Variants in LRRC7 observed in about 807,000 individuals in gnomAD.
LRRC7 encodes the protein leucine-rich repeat-containing protein 7.
A neutral mutation model predicts 175.7 loss-of-function variants in LRRC7; 23 were observed. The observed-to-expected ratio is 0.13, with a 90% CI of 0.09 to 0.19. The LOEUF is 0.19. Ranked by LOEUF, LRRC7 falls within the 10% of genes least tolerant of loss-of-function variation. The pLI is 1.00. For synonymous variants in LRRC7, 685 were observed against 680.9 expected (o/e 1.01, Z -0.09); for missense variants, 1,354 against 1,904.7 (o/e 0.71, Z 5.38).
At chr1:69,837,182 T>G (rs138891043) in intron 6 of LRRC7, among the ~76,000 whole-genome samples, 2 of 152,072 alleles carry the variant, frequency 1.3e-5, no homozygotes, top group Non-Finnish European at 2.9e-5. Flanking sequence ...TCTTTTCACA[T>G]GATTTCCCCA....
intron 22 of LRRC7, among the ~76,000 whole-genome samples, chr1:70,046,894 G>A (rs1660374367): frequency 6.6e-6 from 1 of 151,898 alleles, no homozygotes; most frequent in African/African-American, 2.4e-5. Flanking sequence ...ATTCCTCCTG[G>A]GCGCCACTGA....
intron 4 of LRRC7, among the ~76,000 whole-genome samples, chr1:69,807,482 G>C (rs1677266485): frequency 6.6e-6 from 1 of 152,044 alleles, no homozygotes; most frequent in African/African-American, 2.4e-5. Context: ...GCTCTTGTAA[G>C]GCAGGCCTGG....
At chr1:69,846,432 G>A (rs1261479431) in intron 7 of LRRC7, among the ~76,000 whole-genome samples, 1 of 151,892 alleles carries the variant, frequency 6.6e-6, no homozygotes, top group Non-Finnish European at 1.5e-5. Flanking sequence ...GATCCCTGAT[G>A]ATTAGTTTAC....
intron 2 of LRRC7, among the ~76,000 whole-genome samples, chr1:69,740,527 G>A (rs546208692): frequency 6.6e-6 from 1 of 152,108 alleles, no homozygotes; most frequent in East Asian, 1.9e-4. Flanking sequence ...AGATTCAGGG[G>A]GACTCCAGTA....
intron 2 of LRRC7, among the ~76,000 whole-genome samples, chr1:69,724,677 G>A (rs1448948580): frequency 1.3e-5 from 2 of 152,144 alleles, no homozygotes; most frequent in African/African-American, 4.8e-5. Context: ...GTTACCTGCT[G>A]AGTACTATTC....
In LRRC7 at chr1:70,134,197, G is replaced by A. The variant is rs1228711294; in HGVS notation, c.*12310G>A. ...TGTATTTCAAAATGTCTCTCACAAAGTGATCATTGGATTCCCAAGGTAGTT... is the reference window on the plus strand; with the variant it reads ...TGTATTTCAAAATGTCTCTCACAAAATGATCATTGGATTCCCAAGGTAGTT... On this transcript the variant is annotated 3_prime_UTR_variant, in exon 27 of 27. Transcript: ENST00000651989. Among the ~76,000 whole-genome samples, 1 of 152,176 alleles carries A rather than the reference G, an allele frequency of 6.6e-6. No homozygotes were observed. Among genetic ancestry groups the A allele is most frequent in the Non-Finnish European group, 1.5e-5 (1 of 68,026 alleles).
chr1:70,086,231 C>T (rs1214567729), intron 24 of LRRC7, among the ~76,000 whole-genome samples: 1 of 152,052 alleles, frequency 6.6e-6, no homozygotes, highest in Non-Finnish European at 1.5e-5. Context: ...TCAAGTGATC[C>T]TCCTGCCTCA....
At chr1:69,657,948 A>G (rs1293168719) in intron 1 of LRRC7, among the ~76,000 whole-genome samples, 2 of 152,020 alleles carry the variant, frequency 1.3e-5, no homozygotes, top group African/African-American at 2.4e-5. Context: ...TAAAATCCAT[A>G]TACTATTTTA....
chr1:69,832,357 T>C (rs1266856573), intron 5 of LRRC7, among the ~76,000 whole-genome samples: 1 of 152,104 alleles, frequency 6.6e-6, no homozygotes, highest in Admixed American at 6.6e-5. Context: ...CTTTAGCAGC[T>C]GAAGAAAACC....
rs193229455 is a variant in LRRC7, at chr1:70,078,342, T to C, written c.4452+2044T>C. Among the ~76,000 whole-genome samples the C allele has an allele frequency of 1.6e-3, 241 of 152,312 alleles. 2 individuals are homozygous for C. The highest frequency in any genetic ancestry group is 0.011 in the Admixed American group (172 of 15,306). ...AGTTTCTTAAAGCTGTTTTCACAGT[T>C]GGCCAGCTCATATTGGCACATTGTC... On this transcript the variant is annotated intron_variant, in intron 24 of 26. Coordinates refer to ENST00000651989, the MANE Select transcript of LRRC7 (RefSeq NM_001370785.2).
chr1:69,896,082 T>C (rs1645970626), intron 7 of LRRC7, among the ~76,000 whole-genome samples: 1 of 152,152 alleles, frequency 6.6e-6, no homozygotes. Context: ...TTTTGGGAAG[T>C]ATGATAGTGA....
At chr1:69,616,294 A>C (rs1345138527) in intron 1 of LRRC7, among the ~76,000 whole-genome samples, 3 of 152,050 alleles carry the variant, frequency 2.0e-5, no homozygotes, top group Non-Finnish European at 4.4e-5. Context: ...AAATATGCCT[A>C]ACTTTTGCAC....
chr1:69,799,106 T>G (rs540874858), intron 4 of LRRC7, among the ~76,000 whole-genome samples: 1 of 151,458 alleles, frequency 6.6e-6, no homozygotes, highest in Non-Finnish European at 1.5e-5. Flanking sequence ...ATGCTAGTTT[T>G]TTTTTTTTTT....
intron 9 of LRRC7, among the ~76,000 whole-genome samples, chr1:69,985,283 A>G (rs1468930506): frequency 1.3e-5 from 2 of 152,208 alleles, no homozygotes; most frequent in South Asian, 2.1e-4. Context: ...TGCATAGTAG[A>G]TCCTTCAAAA....
At chr1:69,994,305 G>A (rs539544333) in intron 10 of LRRC7, among the ~76,000 whole-genome samples, 41 of 152,150 alleles carry the variant, frequency 2.7e-4, no homozygotes, top group Non-Finnish European at 5.3e-4. Context: ...CAACTGGGGT[G>A]TATGTGGAGC....
chr1:69,795,274 G>T (rs2101072001), intron 4 of LRRC7, among the ~76,000 whole-genome samples: 1 of 152,188 alleles, frequency 6.6e-6, no homozygotes, highest in South Asian at 2.1e-4. Flanking sequence ...CAGCTACTCA[G>T]GAGGTTGAGG....
intron 16 of LRRC7, 149 bp from the exon 17 acceptor site, chr1:70,022,977 T>G: frequency 1.0e-6 from 1 of 986,868 alleles, no homozygotes; most frequent in Admixed American, 3.3e-5. Flanking sequence ...TAGTACTGTT[T>G]TATACATGGA....
chr1:70,110,033 T>A (rs1468875206), intron 26 of LRRC7, among the ~76,000 whole-genome samples: 2 of 152,184 alleles, frequency 1.3e-5, no homozygotes, highest in African/African-American at 4.8e-5. Flanking sequence ...CAGAAATGTA[T>A]ATGTAAGTAT....
chr1:69,980,568 C>T (rs1219913549), intron 9 of LRRC7, 115 bp downstream of exon 9: 13 of 805,798 alleles, frequency 1.6e-5, no homozygotes, highest in Non-Finnish European at 2.4e-5. Context: ...AAATAATACT[C>T]ATTAGGAGTG....
Sources: allele counts gnomAD v4.1 joint callset (sites outside exome capture counted in the v4.1 genomes callset), GRCh38; gene constraint gnomAD v4.1.1; transcripts MANE v1.5; gene names NCBI Gene and HGNC (gene_info 2026-07-23, HGNC 2026-07-21).